The following MKLN1 variants were observed in gnomAD, a reference collection of about 807,000 sequenced individuals.
MKLN1 encodes muskelin.
MKLN1 carries 18 observed loss-of-function variants against 99.0 expected under a neutral mutation model. That is an observed-to-expected ratio of 0.18 (90% CI 0.13 to 0.27). The LOEUF (loss-of-function observed/expected upper bound fraction) is 0.27. Ranked by LOEUF, MKLN1 falls within the 10% of genes least tolerant of loss-of-function variation. MKLN1 has a pLI of 1.00. For missense variants in MKLN1, 621 were observed against 875.9 expected (o/e 0.71, Z 3.67); for synonymous variants, 288 against 293.2 (o/e 0.98, Z 0.18).
upstream of MKLN1, chr7:131,323,505 T>C (rs919931564): frequency 6.6e-6 from 1 of 152,214 alleles, no homozygotes; most frequent in Non-Finnish European, 1.5e-5. Context: ...ACTTTAGGTA[T>C]ATCAAAAGAT....
intron 14 of MKLN1, among the ~76,000 whole-genome samples, chr7:131,465,909 A>G (rs1464905161): frequency 3.9e-5 from 6 of 152,142 alleles, no homozygotes; most frequent in African/African-American, 1.4e-4. Flanking sequence ...TTATGTCAGA[A>G]TTTTTAAGAT....
intron 12 of MKLN1, among the ~76,000 whole-genome samples, chr7:131,448,945 A>C (rs995516577): frequency 3.3e-5 from 5 of 152,172 alleles, no homozygotes; most frequent in African/African-American, 9.7e-5. Flanking sequence ...CTTGGGATTC[A>C]TCTATGGACC....
intron 3 of MKLN1, among the ~76,000 whole-genome samples, chr7:131,321,700 G>T (rs1798779171): frequency 6.6e-6 from 1 of 152,018 alleles, no homozygotes; most frequent in South Asian, 2.1e-4. Flanking sequence ...AAAAAACAAA[G>T]GTACCCTTCC....
chr7:131,224,800 G>A (rs553856370), intron 3 of MKLN1, among the ~76,000 whole-genome samples: 9 of 152,108 alleles, frequency 5.9e-5, no homozygotes, highest in East Asian at 1.9e-4. Context: ...TTGGCTGGGC[G>A]CAGTGGCTCA....
chr7:131,434,176 G>A (rs542801123), intron 9 of MKLN1, among the ~76,000 whole-genome samples: 1 of 152,192 alleles, frequency 6.6e-6, no homozygotes, highest in South Asian at 2.1e-4. Context: ...ATGAGCCACT[G>A]CACCTGGCTG....
intron 1 of MKLN1, among the ~76,000 whole-genome samples, chr7:131,126,872 T>C (rs530296317): frequency 6.6e-6 from 1 of 152,092 alleles, no homozygotes; most frequent in Non-Finnish European, 1.5e-5. Context: ...GATCTTAGAA[T>C]AGAAGAAATA....
At chr7:131,215,349 ATTG>A (rs1796965144) in intron 3 of MKLN1, among the ~76,000 whole-genome samples, 2 of 152,042 alleles carry the variant, frequency 1.3e-5, no homozygotes, top group South Asian at 4.1e-4. Context: ...TGCCCAGACA[ATTG>A]TTGTTTTTTT....
intron 12 of MKLN1, among the ~76,000 whole-genome samples, chr7:131,451,254 GTTC>G (rs1796167697): frequency 6.6e-6 from 1 of 152,006 alleles, no homozygotes; most frequent in South Asian, 2.1e-4. Context: ...GTTAACTGTT[GTTC>G]TAAAGATTTT....
chr7:131,370,392 C>CT (rs1305948519), intron 1 of MKLN1, among the ~76,000 whole-genome samples: 1 of 124,276 alleles, frequency 8.0e-6, no homozygotes, highest in Non-Finnish European at 1.7e-5. Context: ...TTTAAGGAAT[C>CT]TTTTTTAAAG....
chr7:131,328,119 C>G, intron 1 of MKLN1, 122 bp downstream of exon 1: 1 of 1,220,852 alleles, frequency 8.2e-7, no homozygotes. Flanking sequence ...GGGGGACGTG[C>G]GGCCTCCGGA....
At chr7:131,438,034 A>G (rs748233514) in intron 10 of MKLN1, 37 bp downstream of exon 10, 1 of 1,476,058 alleles carries the variant, frequency 6.8e-7, no homozygotes, top group Non-Finnish European at 9.5e-7. Flanking sequence ...GGAATTAATC[A>G]GTGCTTAGTG....
chr7:131,470,816 T>C, intron 15 of MKLN1, 26 bp from the exon 16 acceptor site: 1 of 1,409,124 alleles, frequency 7.1e-7, no homozygotes, highest in Non-Finnish European at 1.0e-6. Flanking sequence ...TAACTCCAGA[T>C]AATTATCCTT....
At chr7:131,187,262 C>T (rs1796464777) in intron 2 of MKLN1, among the ~76,000 whole-genome samples, 3 of 152,004 alleles carry the variant, frequency 2.0e-5, no homozygotes, top group African/African-American at 2.4e-5. Flanking sequence ...TATATACTTT[C>T]CTACCGCACA....
chr7:131,188,774 A>G (rs180769665), intron 2 of MKLN1, among the ~76,000 whole-genome samples: 1 of 152,142 alleles, frequency 6.6e-6, no homozygotes, highest in East Asian at 1.9e-4. Context: ...TGAAATCACA[A>G]ACAATCAATC....
chr7:131,414,488 G>A (rs1794960615), intron 7 of MKLN1, among the ~76,000 whole-genome samples, 157 bp from the exon 8 acceptor site: 1 of 152,026 alleles, frequency 6.6e-6, no homozygotes, highest in South Asian at 2.1e-4. Flanking sequence ...ACAGATTTGA[G>A]TCATACTGTT....
At chr7:131,360,807 T>G (rs1800007840) in intron 1 of MKLN1, among the ~76,000 whole-genome samples, 1 of 152,340 alleles carries the variant, frequency 6.6e-6, no homozygotes, top group East Asian at 1.9e-4. Context: ...AGAACTGCTT[T>G]TAACATTTCT....
chr7:131,253,566 CAAG>C (rs1797613512), intron 3 of MKLN1, among the ~76,000 whole-genome samples: 1 of 152,122 alleles, frequency 6.6e-6, no homozygotes. Context: ...AGATACAAGT[CAAG>C]AAGACCAGAG....
At chr7:131,355,691 G>T (rs1435054973) in intron 1 of MKLN1, among the ~76,000 whole-genome samples, 1 of 140,660 alleles carries the variant, frequency 7.1e-6, no homozygotes, top group African/African-American at 2.8e-5. Flanking sequence ...TTTTAAACAG[G>T]TCTCTTTGGT....
At chr7:131,173,025 G>A (rs759042045) in intron 2 of MKLN1, among the ~76,000 whole-genome samples, 1 of 152,070 alleles carries the variant, frequency 6.6e-6, no homozygotes, top group Non-Finnish European at 1.5e-5. Flanking sequence ...CATGATATTT[G>A]CATTAGTGAA....
Sources: allele counts gnomAD v4.1 joint callset (sites outside exome capture counted in the v4.1 genomes callset), GRCh38; gene constraint gnomAD v4.1.1; transcripts MANE v1.5; gene names NCBI Gene and HGNC (gene_info 2026-07-23, HGNC 2026-07-21).